The following CSMD1 variants were observed in gnomAD, a reference collection of about 807,000 sequenced individuals.
CSMD1 encodes the protein CUB and sushi domain-containing protein 1.
A neutral mutation model predicts 417.5 loss-of-function variants in CSMD1; 213 were observed. That is an observed-to-expected ratio of 0.51 (90% CI 0.46 to 0.57). The LOEUF (loss-of-function observed/expected upper bound fraction) is 0.57. CSMD1 is among the 20% of genes least tolerant of loss of function. CSMD1 has a pLI of 0.00. For missense variants in CSMD1, 6,923 were observed against 4,529.7 expected (o/e 1.53, Z -15.17); for synonymous variants, 2,862 against 1,736.8 (o/e 1.65, Z -16.11).
At chr8:3,890,294 G>C (rs1477431080) in intron 5 of CSMD1, among the ~76,000 whole-genome samples, 2 of 152,092 alleles carry the variant, frequency 1.3e-5, no homozygotes, top group African/African-American at 4.8e-5. Flanking sequence ...TGATTTACTT[G>C]AAAAATATTA....
intron 5 of CSMD1, among the ~76,000 whole-genome samples, chr8:3,771,994 G>C (rs530696900): frequency 6.6e-6 from 1 of 151,854 alleles, no homozygotes; most frequent in South Asian, 2.1e-4. Flanking sequence ...TTCTGGGCTG[G>C]TGAGAATCCA....
intron 10 of CSMD1, among the ~76,000 whole-genome samples, chr8:3,497,453 C>T (rs1796413445): frequency 1.3e-5 from 2 of 152,162 alleles, no homozygotes; most frequent in Non-Finnish European, 2.9e-5. Flanking sequence ...GTCACCCAGG[C>T]TGGAGTGCAG....
At chr8:3,661,858 C>A (rs143426714) in intron 7 of CSMD1, among the ~76,000 whole-genome samples, 1 of 151,996 alleles carries the variant, frequency 6.6e-6, no homozygotes, top group African/African-American at 2.4e-5. Flanking sequence ...CCCTTTAGAT[C>A]GGTGTTGAAG....
At chr8:4,244,129 G>C (rs1025329766) in intron 3 of CSMD1, among the ~76,000 whole-genome samples, 8 of 152,094 alleles carry the variant, frequency 5.3e-5, no homozygotes, top group African/African-American at 7.2e-5. Flanking sequence ...GATGAGTTTC[G>C]CGCAGCACAA....
At position 2,936,925 on chromosome 8, in the gene CSMD1, G is replaced by C. The variant is rs1801524824; in HGVS notation, c.*1660C>G. 1.3e-5 allele frequency: 2 copies of C among 152,112 alleles called. No individual in the cohort carries two copies. Among genetic ancestry groups the C allele is most frequent in the Admixed American group, 1.3e-4 (2 of 15,278 alleles). The allele number at this position is 152,112 out of a possible 1,614,324, so 9.4% of individuals were successfully genotyped here. On this transcript the variant is annotated 3_prime_UTR_variant, in exon 70 of 70. Coordinates refer to ENST00000635120, the MANE Select transcript of CSMD1 (RefSeq NM_033225.6). ...ACGTGAAGGCCAATTTGAACATTCTGACATTTCTATTACCAACGCCAATCT... is the reference window on the plus strand; with the variant it reads ...ACGTGAAGGCCAATTTGAACATTCTCACATTTCTATTACCAACGCCAATCT...
In CSMD1 at chr8:3,005,610, G is replaced by T. The variant is rs187479467; in HGVS notation, c.8030-5479C>A. Among the ~76,000 whole-genome samples the T allele has an allele frequency of 5.9e-5, 9 of 152,294 alleles. No individual in the cohort carries two copies. The South Asian group carries it at 8.3e-4, about 14-fold the overall frequency. On this transcript the variant is annotated intron_variant, in intron 52 of 69. Coordinates refer to ENST00000635120, the MANE Select transcript of CSMD1 (RefSeq NM_033225.6). Reference sequence around the variant, plus strand: ...GGCTTCATCCCTGGGATGCAAGGCTGGTTCAATTACACAAATCAATAAATG... The same window carrying T: ...GGCTTCATCCCTGGGATGCAAGGCTTGTTCAATTACACAAATCAATAAATG...
rs539911256 is a variant in CSMD1 at position 3,996,401 on chromosome 8, G to C, written c.818+1502C>G. Among the ~76,000 whole-genome samples, 9 of 152,120 alleles carry C rather than the reference G, an allele frequency of 5.9e-5. No homozygotes were observed. In the East Asian group the frequency reaches 1.4e-3, roughly 23 times the overall value. ...CTTGAATATCTTTAAATGATTAGTA[G>C]AGCATATGTACTAAAGAGATGCTTA... On this transcript the variant is annotated intron_variant, in intron 5 of 69. Coordinates refer to ENST00000635120, the MANE Select transcript of CSMD1 (RefSeq NM_033225.6).
At chr8:4,477,322 G>C (rs1325070771) in intron 2 of CSMD1, among the ~76,000 whole-genome samples, 1 of 152,146 alleles carries the variant, frequency 6.6e-6, no homozygotes, top group African/African-American at 2.4e-5. Context: ...CCGAGGCGTT[G>C]GTGCTGGAAG....
At chr8:4,599,068 T>C (rs542451788) in intron 2 of CSMD1, among the ~76,000 whole-genome samples, 56 of 152,288 alleles carry the variant, frequency 3.7e-4, no homozygotes, top group Non-Finnish European at 6.6e-4. Context: ...TAACATGAAC[T>C]AACTCTACAC....
intron 1 of CSMD1, among the ~76,000 whole-genome samples, chr8:4,710,145 G>T (rs1425328165): frequency 6.6e-6 from 1 of 151,890 alleles, no homozygotes; most frequent in African/African-American, 2.4e-5. Flanking sequence ...TCTAAGGGGG[G>T]ATTAATTCCT....
chr8:3,701,696 C>T (rs1800879941), intron 7 of CSMD1, among the ~76,000 whole-genome samples: 1 of 152,088 alleles, frequency 6.6e-6, no homozygotes, highest in African/African-American at 2.4e-5. Context: ...TTCAATCAGT[C>T]AGGGTATTTA....
At chr8:3,686,771 G>A (rs185209032) in intron 7 of CSMD1, among the ~76,000 whole-genome samples, 17 of 152,334 alleles carry the variant, frequency 1.1e-4, no homozygotes, top group Non-Finnish European at 1.8e-4. Context: ...GTCTATCAGT[G>A]GCTGGTTGTA....
At chr8:3,106,666 AG>A (rs772253458) in intron 45 of CSMD1, 25 bp from the exon 46 acceptor site, 2 of 1,475,774 alleles carry the variant, frequency 1.4e-6, no homozygotes. Flanking sequence ...GCAACAAACC[AG>A]GAAATTGTGT....
At chr8:4,619,769 A>G (rs1035002039) in intron 2 of CSMD1, among the ~76,000 whole-genome samples, 1 of 152,118 alleles carries the variant, frequency 6.6e-6, no homozygotes, top group African/African-American at 2.4e-5. Context: ...AAAACCAGGC[A>G]TGTCCTCACA....
chr8:4,161,604 G>C (rs961154260), intron 3 of CSMD1, among the ~76,000 whole-genome samples: 2 of 152,188 alleles, frequency 1.3e-5, no homozygotes, highest in African/African-American at 2.4e-5. Context: ...ATCTATACCT[G>C]TTAAAAATCT....
At chr8:3,427,224 C>A (rs1307527385) in intron 12 of CSMD1, among the ~76,000 whole-genome samples, 1 of 152,134 alleles carries the variant, frequency 6.6e-6, no homozygotes, top group Non-Finnish European at 1.5e-5. Context: ...ATAACAAGAA[C>A]TGGTCAGATT....
intron 10 of CSMD1, among the ~76,000 whole-genome samples, chr8:3,508,473 TTGTGC>T (rs1585274538): frequency 1.3e-5 from 2 of 151,924 alleles, no homozygotes; most frequent in East Asian, 3.9e-4. Flanking sequence ...AACCTGCATG[TTGTGC>T]ACATGTACCC....
At chr8:4,361,197 T>C (rs1359619860) in intron 3 of CSMD1, among the ~76,000 whole-genome samples, 1 of 152,156 alleles carries the variant, frequency 6.6e-6, no homozygotes, top group Non-Finnish European at 1.5e-5. Flanking sequence ...AGGCTTAAAT[T>C]AGACAACTGG....
chr8:4,021,224 G>A (rs1364782671), intron 4 of CSMD1, among the ~76,000 whole-genome samples: 13 of 152,176 alleles, frequency 8.5e-5, no homozygotes, highest in Non-Finnish European at 7.3e-5. Context: ...TTTGAAACTA[G>A]CATCTTTTGA....
Sources: gnomAD v4.1 joint callset for allele counts (sites outside exome capture counted in the v4.1 genomes callset) on GRCh38, gnomAD v4.1.1 for gene constraint, MANE v1.5 for transcripts, NCBI Gene and HGNC (gene_info 2026-07-23, HGNC 2026-07-21) for gene names.